PFN4: variants seen among roughly 807,000 people sequenced by gnomAD.
PFN4 encodes profilin family member 4.
A neutral mutation model predicts 16.3 loss-of-function variants in PFN4; 10 were observed. The ratio of observed to expected loss-of-function variants is 0.61; its 90% CI spans 0.38 to 1.04. The LOEUF is 1.04. Ranked by LOEUF, PFN4 falls within the 50% of genes least tolerant of loss-of-function variation. The probability of loss-of-function intolerance (pLI) is 0.01; values close to 1 mark genes in which losing one functional copy is unlikely to be tolerated. For synonymous variants in PFN4, 54 were observed against 56.9 expected (o/e 0.95, Z 0.23); for missense variants, 136 against 153.6 (o/e 0.89, Z 0.61).
chr2:24,118,442 T>C (rs6708380), intron 4 of PFN4, among the ~76,000 whole-genome samples: 17,729 of 152,282 alleles, frequency 0.12, 1,234 homozygotes, highest in South Asian at 0.18. Context: ...AATTCATTGA[T>C]TTATTCATCA....
intron 4 of PFN4, among the ~76,000 whole-genome samples, chr2:24,118,179 C>G (rs912266694): frequency 2.0e-5 from 3 of 152,184 alleles, no homozygotes; most frequent in Admixed American, 6.5e-5. Flanking sequence ...ATCTCATATT[C>G]TGGTTATTTT....
chr2:24,119,437 G>T, intron 4 of PFN4, 140 bp downstream of exon 4: 2 of 609,438 alleles, frequency 3.3e-6, no homozygotes, highest in Non-Finnish European at 5.8e-6. Context: ...TCCTTCCAGT[G>T]GCTATGTAAA....
At chr2:24,121,436 A>G (rs1397207463) in intron 2 of PFN4, 136 bp from the exon 3 acceptor site, 2 of 760,366 alleles carry the variant, frequency 2.6e-6, no homozygotes, top group African/African-American at 1.8e-5. Context: ...GGGAAAAAAA[A>G]TCAAAAGAAT....
chr2:24,121,076 T>A (rs1573753033), intron 3 of PFN4, 87 bp downstream of exon 3: 3 of 1,520,324 alleles, frequency 2.0e-6, no homozygotes, highest in East Asian at 4.5e-5. Context: ...ATTTAATCTG[T>A]TTTACAGAAA....
In PFN4 at chr2:24,121,196, G is replaced by T; in HGVS notation, c.222C>A (p.Val74=). 1 of 1,614,122 alleles carries T rather than the reference G, an allele frequency of 6.2e-7. No individual in the cohort carries two copies. Among genetic ancestry groups the T allele is most frequent in the Non-Finnish European group, 8.5e-7 (1 of 1,180,004 alleles). The change falls in exon 3 of 5, where the codon GTC becomes GTA. Residue 74 remains valine (V), a synonymous_variant. Coordinates refer to ENST00000313213, the MANE Select transcript of PFN4 (RefSeq NM_199346.3). ...LYFKGKDYRC[V]RADEYSLYAK... is the part of the protein sequence containing the mutation. ...CATAAAGAGAATATTCATCTGCCCG[G>T]ACACATCTGTAATCTTTTCCCTTGA...
At chr2:24,119,961 C>A (rs1384203684) in intron 3 of PFN4, among the ~76,000 whole-genome samples, 4 of 152,082 alleles carry the variant, frequency 2.6e-5, no homozygotes, top group Non-Finnish European at 4.4e-5. Context: ...ATCATATACC[C>A]CATCCCAATT....
chr2:24,115,472 CT>C lies in PFN4; in HGVS notation c.*110del. On this transcript the variant is annotated 3_prime_UTR_variant, in exon 5 of 5. Transcript: ENST00000313213. Reference sequence around the variant, plus strand: ...AAAATTGCTCCCTTAATTCATTCTTCTTTTTTAGTGCCTTCTGTCTAGTGTT... The same window carrying C: ...AAAATTGCTCCCTTAATTCATTCTTCTTTTTAGTGCCTTCTGTCTAGTGTT... 1.1e-6 allele frequency: 1 copy of C among 916,156 alleles called. No individual in the cohort carries two copies. The allele number at this position is 916,156 out of a possible 1,614,324, so 56.8% of individuals were successfully genotyped here. A position where few individuals can be genotyped will look rare whatever the true frequency, so the allele number is the denominator to read the frequency against.
At chr2:24,120,237 C>T (rs752203735) in intron 3 of PFN4, among the ~76,000 whole-genome samples, 1 of 151,614 alleles carries the variant, frequency 6.6e-6, no homozygotes, top group Non-Finnish European at 1.5e-5. Flanking sequence ...CCATTGCACT[C>T]CAGCCTGGGC....
Position 24,115,507 on chromosome 2 carries a change from C to A in PFN4, c.*76G>T. On this transcript the variant is annotated 3_prime_UTR_variant, in exon 5 of 5. Coordinates refer to ENST00000313213, the MANE Select transcript of PFN4 (RefSeq NM_199346.3). ...GCCTTCTGTCTAGTGTTTTTTCAAC[C>A]ATAAAATATTTTTTCTTTAGGCTCT... The A allele has an allele frequency of 7.4e-7, 1 of 1,347,294 alleles. No individual in the cohort carries two copies. The highest frequency in any genetic ancestry group is 1.0e-6 in the Non-Finnish European group (1 of 962,554). 83.5% of individuals were successfully genotyped at this position (1,347,294 alleles called of 1,614,324 possible).
Position 24,121,239 on chromosome 2 carries a change from C to T in PFN4, c.179G>A (p.Arg60Gln), listed in dbSNP as rs143462327. ...NGFAKNPLQA[R>Q]REGLYFKGKD... ...TCCCTTGAAATACAGTCCTTCTCTTCGGGCTTGCAAAGGGTTCTTGGCAAA... is the reference window on the plus strand; with the variant it reads ...TCCCTTGAAATACAGTCCTTCTCTTTGGGCTTGCAAAGGGTTCTTGGCAAA... Residue 60 changes from arginine (R) to glutamine (Q), a missense_variant, in exon 3 of 5, where the codon CGA becomes CAA. By Grantham distance (43) the Arg-to-Gln change is conservative (BLOSUM62 1). Coordinates refer to ENST00000313213, the MANE Select transcript of PFN4 (RefSeq NM_199346.3). 6 of 1,614,062 alleles carry T rather than the reference C, an allele frequency of 3.7e-6. No homozygotes were observed. The highest frequency in any genetic ancestry group is 2.7e-5 in the African/African-American group (2 of 74,928).
rs534797450 is a variant in PFN4 at position 24,119,781 on chromosome 2, A to G, written c.256-99T>C. 14 of 802,802 alleles carry G rather than the reference A, an allele frequency of 1.7e-5. No individual in the cohort carries two copies. In the South Asian group the frequency reaches 2.4e-4, roughly 14 times the overall value. The allele number at this position is 802,802 out of a possible 1,614,324, so 49.7% of individuals were successfully genotyped here. On this transcript the variant is annotated intron_variant, in intron 3 of 4. Coordinates refer to ENST00000313213, the MANE Select transcript of PFN4 (RefSeq NM_199346.3). ...TTTTTCACCATTTCCTGATTTCCAT[A>G]TGTTTGGAATATATATGGAATATAC...
intron 4 of PFN4, 94 bp from the exon 5 acceptor site, chr2:24,115,705 A>G: frequency 1.5e-6 from 2 of 1,377,098 alleles, no homozygotes; most frequent in Non-Finnish European, 2.1e-6. Context: ...AAACATTGCC[A>G]GGTGACTGCC....
Position 24,121,253 on chromosome 2 carries a change from G to T in PFN4, c.165C>A (p.Asn55Lys). 6.2e-7 allele frequency: 1 copy of T among 1,614,160 alleles called. No homozygotes were observed. Among genetic ancestry groups the T allele is most frequent in the South Asian group, 1.1e-5 (1 of 91,076 alleles). ...GTCCTTCTCTTCGGGCTTGCAAAGG[G>T]TTCTTGGCAAATCCATTCACCAGTG... ...VRTLVNGFAK[N>K]PLQARREGLY... is the part of the protein sequence containing the mutation. Residue 55 changes from asparagine to lysine, a missense_variant, in exon 3 of 5, where the codon AAC (asparagine) becomes AAA (lysine). Transcript: ENST00000313213.
At chr2:24,120,074 G>T (rs1338150312) in intron 3 of PFN4, among the ~76,000 whole-genome samples, 1 of 152,082 alleles carries the variant, frequency 6.6e-6, no homozygotes, top group Middle Eastern at 3.2e-3. Context: ...TTTGAGACCA[G>T]CCTGGCCAAC....
Position 24,115,631 on chromosome 2 carries a change from G to T in PFN4, c.362-20C>A. On this transcript the variant is annotated intron_variant, in intron 4 of 4. Coordinates refer to ENST00000313213, the MANE Select transcript of PFN4 (RefSeq NM_199346.3). Reference sequence around the variant, plus strand: ...AGTCTCCTGAAAGCAAACACAGCATGGTTATTATTTATGAGCTGCAAATTA... The same window carrying T: ...AGTCTCCTGAAAGCAAACACAGCATTGTTATTATTTATGAGCTGCAAATTA... 2 of 1,611,154 alleles carry T rather than the reference G, an allele frequency of 1.2e-6. No individual in the cohort carries two copies. The highest frequency in any genetic ancestry group is 1.1e-5 in the South Asian group (1 of 90,920).
intron 2 of PFN4, 56 bp downstream of exon 2, chr2:24,122,363 G>A: frequency 7.9e-7 from 1 of 1,270,208 alleles, no homozygotes; most frequent in Non-Finnish European, 1.1e-6. Context: ...TCATTTTTTG[G>A]AAGAATAGAA....
At chr2:24,121,121 T>C (rs1666101321) in intron 3 of PFN4, 42 bp downstream of exon 3, 2 of 1,605,680 alleles carry the variant, frequency 1.2e-6, no homozygotes, top group Non-Finnish European at 1.7e-6. Flanking sequence ...GGAGGCAAAT[T>C]CTTTTCTTTT....
intron 2 of PFN4, among the ~76,000 whole-genome samples, chr2:24,121,854 G>C (rs1666129479): frequency 2.6e-5 from 4 of 152,144 alleles, no homozygotes; most frequent in Admixed American, 2.6e-4. Flanking sequence ...CCTCTGCCAT[G>C]AGTGGAAGCA....
chr2:24,118,626 T>C (rs1181783841), intron 4 of PFN4, among the ~76,000 whole-genome samples: 1 of 152,200 alleles, frequency 6.6e-6, no homozygotes, highest in Non-Finnish European at 1.5e-5. Context: ...GATAGAAGCC[T>C]GAGATCTGAC....
Sources: gnomAD v4.1 joint callset for allele counts (sites outside exome capture counted in the v4.1 genomes callset) on GRCh38, gnomAD v4.1.1 for gene constraint, MANE v1.5 for transcripts, NCBI Gene and HGNC (gene_info 2026-07-23, HGNC 2026-07-21) for gene names.